Variants in APBA1 observed in about 807,000 individuals in gnomAD.
APBA1 encodes amyloid-beta A4 precursor protein-binding family A member 1.
In APBA1, 55 loss-of-function variants were observed where a neutral mutation model predicts 86.6. The observed-to-expected ratio is 0.64, with a 90% CI of 0.51 to 0.80. The LOEUF (loss-of-function observed/expected upper bound fraction) is 0.80. Ranked by LOEUF, APBA1 falls within the 30% of genes least tolerant of loss-of-function variation. The pLI is 0.00. For missense variants in APBA1, 1,090 were observed against 1,183.0 expected (o/e 0.92, Z 1.15); for synonymous variants, 511 against 493.9 (o/e 1.03, Z -0.46).
intron 2 of APBA1, among the ~76,000 whole-genome samples, chr9:69,515,135 A>G (rs1380738793): frequency 6.6e-6 from 1 of 152,122 alleles, no homozygotes; most frequent in Admixed American, 6.5e-5. Flanking sequence ...AATACCCCCA[A>G]CCTTTTGTGT....
At chr9:69,572,987 A>G (rs1837140292) in intron 1 of APBA1, among the ~76,000 whole-genome samples, 1 of 152,064 alleles carries the variant, frequency 6.6e-6, no homozygotes, top group Admixed American at 6.6e-5. Context: ...CCAGTACATA[A>G]ATCTTTTTTA....
At chr9:69,549,768 G>T (rs945203845) in intron 1 of APBA1, among the ~76,000 whole-genome samples, 1 of 152,122 alleles carries the variant, frequency 6.6e-6, no homozygotes, top group Non-Finnish European at 1.5e-5. Context: ...TTCAAAAAAG[G>T]AATACTTTGA....
chr9:69,655,689 T>C (rs1823594841), intron 1 of APBA1, among the ~76,000 whole-genome samples: 1 of 152,056 alleles, frequency 6.6e-6, no homozygotes, highest in Non-Finnish European at 1.5e-5. Context: ...GAAACACCCA[T>C]GGCATTCTTC....
At chr9:69,597,696 G>A (rs1197112784) in intron 1 of APBA1, among the ~76,000 whole-genome samples, 1 of 152,196 alleles carries the variant, frequency 6.6e-6, no homozygotes, top group African/African-American at 2.4e-5. Flanking sequence ...TGTATAAGTT[G>A]TAAGGAAGGG....
At chr9:69,450,627 A>G (rs1834991052) in intron 9 of APBA1, among the ~76,000 whole-genome samples, 1 of 152,188 alleles carries the variant, frequency 6.6e-6, no homozygotes, top group Admixed American at 6.5e-5. Context: ...CATTCTGTTA[A>G]GGTTGAATTG....
intron 1 of APBA1, among the ~76,000 whole-genome samples, chr9:69,583,868 A>G (rs1481185683): frequency 6.6e-6 from 1 of 152,220 alleles, no homozygotes; most frequent in Non-Finnish European, 1.5e-5. Context: ...CTATCTCTTC[A>G]TCTCTTGAAT....
chr9:69,626,233 T>G (rs979484673), intron 1 of APBA1, among the ~76,000 whole-genome samples: 1 of 152,148 alleles, frequency 6.6e-6, no homozygotes, highest in Non-Finnish European at 1.5e-5. Context: ...GCCACAAGCA[T>G]GGACCAAAAA....
intron 2 of APBA1, among the ~76,000 whole-genome samples, chr9:69,501,437 T>C (rs914540582): frequency 6.6e-6 from 1 of 152,160 alleles, no homozygotes; most frequent in Non-Finnish European, 1.5e-5. Flanking sequence ...AATTCAATTA[T>C]CTATGATATA....
At chr9:69,642,066 C>T (rs554553812) in intron 1 of APBA1, among the ~76,000 whole-genome samples, 4 of 152,244 alleles carry the variant, frequency 2.6e-5, no homozygotes, top group African/African-American at 7.2e-5. Context: ...GGCATGAAGA[C>T]TTCTTAAACA....
intron 1 of APBA1, among the ~76,000 whole-genome samples, chr9:69,642,809 T>G: frequency 6.6e-6 from 1 of 151,960 alleles, no homozygotes; most frequent in Non-Finnish European, 1.5e-5. Flanking sequence ...GAGAACAGAC[T>G]GACTACCGCC....
At chr9:69,621,084 A>G (rs534971402) in intron 1 of APBA1, among the ~76,000 whole-genome samples, 1 of 152,316 alleles carries the variant, frequency 6.6e-6, no homozygotes, top group East Asian at 1.9e-4. Flanking sequence ...ATGGAGTTGG[A>G]TAGGACTTTT....
At position 69,516,733 on chromosome 9, in the gene APBA1, C is replaced by T. The variant is rs778817438; in HGVS notation, c.478G>A (p.Ala160Thr). 1.2e-6 allele frequency: 2 copies of T among 1,612,006 alleles called. No homozygotes were observed. The highest frequency in any genetic ancestry group is 2.2e-5 in the South Asian group (2 of 90,894). The change falls in exon 2 of 13, where the codon GCC (alanine) becomes ACC (threonine). Residue 160 changes from alanine (A) to threonine (T), a missense_variant. This residue lies in a region of APBA1 where 678 missense variants were observed against 647.1 expected (regional missense o/e 1.05). Transcript: ENST00000265381. This position sits in a 1 kb window ranked among gnomAD's most constrained non-coding sequence, Gnocchi z 7.3. The stretch of plus-strand genomic sequence containing the variant: ...TAGCCTGAGTAGGCCGCATTCATGG[C>T]TTCCTCGTGCTCCAGCGAGTGGAAG... ...LHFHSLEHEE[A>T]MNAAYSGYVY...
intron 1 of APBA1, among the ~76,000 whole-genome samples, chr9:69,547,899 G>A (rs940785329): frequency 2.0e-5 from 3 of 152,148 alleles, no homozygotes; most frequent in Non-Finnish European, 4.4e-5. Context: ...GTGGAAAATG[G>A]CCTCCAAAGA....
chr9:69,516,723 G>T lies in APBA1; in HGVS notation c.488C>A (p.Ala163Glu). ...HSLEHEEAMN[A>E]AYSGYVYTHR... is the part of the protein sequence containing the mutation. ...CGTGTAGACGTAGCCTGAGTAGGCC[G>T]CATTCATGGCTTCCTCGTGCTCCAG... is the stretch of plus-strand genomic sequence containing the variant. The change falls in exon 2 of 13, where the codon GCG (alanine) becomes GAG (glutamate). Residue 163 changes from alanine (A) to glutamate (E), a missense_variant. Ala to Glu is a moderately radical substitution (Grantham distance 107). Coordinates refer to ENST00000265381, the MANE Select transcript of APBA1 (RefSeq NM_001163.4). The surrounding 1 kb of genome is among the most constrained non-coding windows in gnomAD (Gnocchi z 7.3). The T allele has an allele frequency of 6.2e-7, 1 of 1,611,408 alleles. No homozygotes were observed.
chr9:69,598,051 T>C (rs1184248075), intron 1 of APBA1, among the ~76,000 whole-genome samples: 12 of 151,488 alleles, frequency 7.9e-5, no homozygotes, highest in African/African-American at 2.7e-4. Context: ...CCAACAATGA[T>C]AGACTGGATT....
At chr9:69,505,917 G>A (rs1835953324) in intron 2 of APBA1, among the ~76,000 whole-genome samples, 1 of 151,976 alleles carries the variant, frequency 6.6e-6, no homozygotes, top group Non-Finnish European at 1.5e-5. Context: ...TACTTGGGAG[G>A]CTGAGACAGG....
intron 2 of APBA1, among the ~76,000 whole-genome samples, chr9:69,488,160 T>C (rs1406433152): frequency 6.6e-6 from 1 of 151,992 alleles, no homozygotes; most frequent in Non-Finnish European, 1.5e-5. Flanking sequence ...CCAAAGAGAA[T>C]GACAGGAATA....
chr9:69,522,068 T>TAC (rs9314700), intron 1 of APBA1, among the ~76,000 whole-genome samples: 9,554 of 149,422 alleles, frequency 0.064, 771 homozygotes, highest in African/African-American at 0.18. Context: ...CACCATTTTA[T>TAC]ACACACACAC....
At chr9:69,452,328 T>C (rs754331624) in intron 8 of APBA1, 27 bp from the exon 9 acceptor site, 9 of 1,611,732 alleles carry the variant, frequency 5.6e-6, no homozygotes, top group African/African-American at 2.7e-5. Flanking sequence ...AGAGGAAAGA[T>C]GGTCAGCAGG....
Sources: gnomAD v4.1 joint callset for allele counts (sites outside exome capture counted in the v4.1 genomes callset) on GRCh38, gnomAD v4.1.1 for gene constraint, gnomAD v4.1.1 regional missense constraint, Gnocchi (gnomAD v3.1) non-coding constraint, MANE v1.5 for transcripts, NCBI Gene and HGNC (gene_info 2026-07-23, HGNC 2026-07-21) for gene names.